The following KMT2C variants were observed in gnomAD, a reference collection of about 807,000 sequenced individuals.
KMT2C encodes lysine methyltransferase 2C, also known as histone-lysine N-methyltransferase 2C.
KMT2C carries 88 observed loss-of-function variants against 507.9 expected under a neutral mutation model. The ratio of observed to expected loss-of-function variants is 0.17; its 90% CI spans 0.15 to 0.21. The LOEUF is 0.21. Ranked by LOEUF, KMT2C falls within the 10% of genes least tolerant of loss-of-function variation. KMT2C has a pLI of 1.00. For synonymous variants in KMT2C, 2,049 were observed against 2,080.8 expected, an observed-to-expected ratio of 0.98 and a Z score of 0.42; for missense variants, 4,954 against 5,957.8, an observed-to-expected ratio of 0.83 and a Z score of 5.55.
intron 1 of KMT2C, among the ~76,000 whole-genome samples, chr7:152,398,601 T>C (rs970929441): frequency 6.6e-6 from 1 of 152,102 alleles, no homozygotes; most frequent in African/African-American, 2.4e-5. Context: ...GTGAAACACA[T>C]GTTGCCCAGG....
intron 6 of KMT2C, among the ~76,000 whole-genome samples, chr7:152,308,008 T>C (rs2096636249): frequency 6.6e-6 from 1 of 152,232 alleles, no homozygotes; most frequent in African/African-American, 2.4e-5. Flanking sequence ...CAGATGGTTT[T>C]CACTGAAATA....
intron 31 of KMT2C, among the ~76,000 whole-genome samples, chr7:152,190,622 CA>C (rs2093763993): frequency 6.6e-6 from 1 of 152,014 alleles, no homozygotes; most frequent in African/African-American, 2.4e-5. Context: ...CATATCTACC[CA>C]AACTAGTCAT....
intron 26 of KMT2C, among the ~76,000 whole-genome samples, chr7:152,200,551 A>G (rs1342284795): frequency 2.0e-5 from 3 of 152,060 alleles, no homozygotes; most frequent in African/African-American, 7.2e-5. Flanking sequence ...CAACATGGCA[A>G]AACTCTTGAC....
intron 1 of KMT2C, among the ~76,000 whole-genome samples, chr7:152,387,081 T>C (rs1220258627): frequency 6.6e-6 from 1 of 151,334 alleles, no homozygotes; most frequent in African/African-American, 2.4e-5. Context: ...TTAAGTGGGG[T>C]TTTACAATCA....
Position 152,272,494 on chromosome 7 carries a change from A to C in KMT2C, c.1012+1211T>G, listed in dbSNP as rs548530442. On this transcript the variant is annotated intron_variant, in intron 7 of 58. Transcript: ENST00000262189. ...TATTTATTATGCCACCCAGAATATA[A>C]TCCACTCTGATAACTGCCAGTTTAT... Among the ~76,000 whole-genome samples the C allele has an allele frequency of 2.6e-5, 4 of 152,332 alleles. No individual in the cohort carries two copies. In the South Asian group the frequency reaches 8.3e-4, roughly 32 times the overall value.
At chr7:152,334,855 T>C (rs1309684379) in intron 2 of KMT2C, among the ~76,000 whole-genome samples, 3 of 152,146 alleles carry the variant, frequency 2.0e-5, no homozygotes, top group Non-Finnish European at 4.4e-5. Flanking sequence ...AAATATTACA[T>C]GAGAGAAGAT....
intron 2 of KMT2C, among the ~76,000 whole-genome samples, chr7:152,354,606 A>T (rs995642496): frequency 6.6e-6 from 1 of 152,228 alleles, no homozygotes; most frequent in South Asian, 2.1e-4. Flanking sequence ...TCTCTGGGAA[A>T]ACTGTAACTG....
At chr7:152,419,338 G>A (rs7802366) in intron 1 of KMT2C, among the ~76,000 whole-genome samples, 15,087 of 151,992 alleles carry the variant, frequency 0.099, 1,737 homozygotes, top group African/African-American at 0.28. Context: ...GCAACAGAGC[G>A]AGACTCTGTC....
chr7:152,204,163 T>C lies in KMT2C; in HGVS notation c.3961+943A>G, dbSNP rs551757279. 7.4e-5 allele frequency among the ~76,000 whole-genome samples: 11 copies of C among 149,040 alleles called. No homozygotes were observed. The South Asian group carries it at 2.3e-3, about 31-fold the overall frequency. ...AAAAACAACTCCTGGCTGGATGCAG[T>C]GGTTCACGCCTGTAATCCCAGCCAC... On this transcript the variant is annotated intron_variant, in intron 25 of 58. Coordinates refer to ENST00000262189, the MANE Select transcript of KMT2C (RefSeq NM_170606.3).
At chr7:152,353,934 G>A (rs1213768533) in intron 2 of KMT2C, among the ~76,000 whole-genome samples, 3 of 152,104 alleles carry the variant, frequency 2.0e-5, no homozygotes, top group African/African-American at 4.8e-5. Context: ...ACTTGAATGT[G>A]CTTTTAAATG....
intron 46 of KMT2C, 91 bp from the exon 47 acceptor site, chr7:152,154,536 G>A (rs1231757534): frequency 1.9e-6 from 2 of 1,076,418 alleles, no homozygotes; most frequent in South Asian, 1.4e-5. Flanking sequence ...GAATACAGCT[G>A]TAAGGATACT....
At chr7:152,419,033 T>G (rs1589915981) in intron 1 of KMT2C, among the ~76,000 whole-genome samples, 1 of 151,884 alleles carries the variant, frequency 6.6e-6, no homozygotes, top group East Asian at 1.9e-4. Flanking sequence ...TGTCCCTACA[T>G]AAAAAGATTT....
At chr7:152,362,899 T>C (rs1050673239) in intron 1 of KMT2C, among the ~76,000 whole-genome samples, 4 of 152,274 alleles carry the variant, frequency 2.6e-5, no homozygotes, top group Admixed American at 6.5e-5. Flanking sequence ...ACATGCTTTT[T>C]ACGTTGATCA....
At chr7:152,164,658 T>G (rs189031133) in intron 42 of KMT2C, among the ~76,000 whole-genome samples, 18 of 152,354 alleles carry the variant, frequency 1.2e-4, no homozygotes, top group Admixed American at 1.2e-3. Context: ...TTAAAAAGAC[T>G]AAATTTGTTG....
At chr7:152,322,617 A>ACATTTTT (rs2096782591) in intron 3 of KMT2C, among the ~76,000 whole-genome samples, 1 of 152,040 alleles carries the variant, frequency 6.6e-6, no homozygotes, top group African/African-American at 2.4e-5. Context: ...CTAGAATAAA[A>ACATTTTT]CATAGGGAGA....
chr7:152,142,533 T>C (rs1563124639), intron 55 of KMT2C, among the ~76,000 whole-genome samples: 1 of 152,192 alleles, frequency 6.6e-6, no homozygotes, highest in African/African-American at 2.4e-5. Flanking sequence ...AAACTGGCAA[T>C]ATCTATTTAA....
At chr7:152,235,018 T>C (rs1027466829) in intron 16 of KMT2C, among the ~76,000 whole-genome samples, 8 of 152,178 alleles carry the variant, frequency 5.3e-5, no homozygotes, top group African/African-American at 1.7e-4. Context: ...ATAATTGTGC[T>C]GAAATAAATC....
At chr7:152,290,787 C>T (rs2096414544) in intron 6 of KMT2C, among the ~76,000 whole-genome samples, 1 of 152,104 alleles carries the variant, frequency 6.6e-6, no homozygotes, top group Admixed American at 6.6e-5. Flanking sequence ...TTTTAATAAA[C>T]AGAAGTTATT....
chr7:152,341,282 T>C (rs1481780168), intron 2 of KMT2C, among the ~76,000 whole-genome samples: 2 of 152,242 alleles, frequency 1.3e-5, no homozygotes, highest in Non-Finnish European at 2.9e-5. Flanking sequence ...GAAATATGTT[T>C]GCTTTTTAAG....
Sources: allele counts gnomAD v4.1 joint callset (sites outside exome capture counted in the v4.1 genomes callset), GRCh38; gene constraint gnomAD v4.1.1; transcripts MANE v1.5; gene names NCBI Gene and HGNC (gene_info 2026-07-23, HGNC 2026-07-21).